The following TAFA2 variants were observed in gnomAD, a reference collection of about 807,000 sequenced individuals.
The protein encoded by TAFA2 is TAFA chemokine like family member 2.
In TAFA2, 7 loss-of-function variants were observed where a neutral mutation model predicts 18.8. That is an observed-to-expected ratio of 0.37 (90% CI 0.21 to 0.70). The LOEUF is 0.70. Among genes scored for constraint, TAFA2 ranks in the 30% least tolerant of loss-of-function variants. The pLI is 0.53. For missense variants in TAFA2, 122 were observed against 158.1 expected (o/e 0.77, Z 1.23); for synonymous variants, 60 against 54.2 (o/e 1.11, Z -0.47).
At chr12:61,935,638 G>C (rs1049978524) in intron 1 of TAFA2, among the ~76,000 whole-genome samples, 1 of 152,098 alleles carries the variant, frequency 6.6e-6, no homozygotes, top group South Asian at 2.1e-4. Context: ...TAGAAAAATA[G>C]TGAATATTTC....
chr12:62,173,051 C>T (rs1209772634), intron 1 of TAFA2, among the ~76,000 whole-genome samples: 2 of 151,698 alleles, frequency 1.3e-5, no homozygotes, highest in Admixed American at 1.3e-4. Flanking sequence ...CAAGGCATGG[C>T]CCAATGTAGG....
intron 1 of TAFA2, among the ~76,000 whole-genome samples, chr12:62,225,095 T>TA (rs35979654): frequency 0.022 from 3,339 of 151,558 alleles, 125 homozygotes; most frequent in African/African-American, 0.075. Flanking sequence ...CTCCGTCTCA[T>TA]AAAAAAATTT....
intron 1 of TAFA2, among the ~76,000 whole-genome samples, chr12:62,213,931 A>G (rs1275835988): frequency 1.3e-5 from 2 of 152,192 alleles, no homozygotes; most frequent in Non-Finnish European, 2.9e-5. Flanking sequence ...ACCTGTGTAC[A>G]AACAAACAAA....
chr12:61,890,213 A>G (rs1875568852), intron 1 of TAFA2: 1 of 152,246 alleles, frequency 6.6e-6, no homozygotes, highest in Admixed American at 6.5e-5. Flanking sequence ...AGATAAGGTC[A>G]CTTTGTGGAT....
chr12:61,925,387 T>C (rs1877244459), intron 1 of TAFA2, among the ~76,000 whole-genome samples: 1 of 152,102 alleles, frequency 6.6e-6, no homozygotes, highest in Non-Finnish European at 1.5e-5. Flanking sequence ...ACAAACAGTC[T>C]CCCAAACCAC....
chr12:61,715,495 C>A (rs1237554505), intron 4 of TAFA2, among the ~76,000 whole-genome samples: 1 of 151,854 alleles, frequency 6.6e-6, no homozygotes, highest in Non-Finnish European at 1.5e-5. Context: ...ACCACAGGCA[C>A]CCACCACCAC....
intron 1 of TAFA2, among the ~76,000 whole-genome samples, chr12:62,011,988 T>A (rs1021773411): frequency 6.6e-6 from 1 of 152,182 alleles, no homozygotes; most frequent in African/African-American, 2.4e-5. Context: ...TGAGAATAGA[T>A]CCCTAATAGT....
intron 1 of TAFA2, among the ~76,000 whole-genome samples, chr12:62,185,270 C>A (rs1414734938): frequency 1.3e-5 from 2 of 152,106 alleles, no homozygotes; most frequent in Non-Finnish European, 2.9e-5. Context: ...CAAAATGGGG[C>A]CTCTGTTTTG....
rs555734067 is a variant in TAFA2, at chr12:62,066,728, G to A, written c.-2+124531C>T. Among the ~76,000 whole-genome samples the A allele has an allele frequency of 9.8e-4, 149 of 152,002 alleles. 1 individual carries two copies. The highest frequency in any genetic ancestry group is 3.5e-3 in the African/African-American group (145 of 41,528). ...ATCCATTCATCTATTGATGAACACAGGTTGCTTTCAAATCATGGCTATGTT... is the reference window on the plus strand; with the variant it reads ...ATCCATTCATCTATTGATGAACACAAGTTGCTTTCAAATCATGGCTATGTT... On this transcript the variant is annotated intron_variant, in intron 1 of 4. Transcript: ENST00000416284.
At chr12:62,045,054 C>A (rs564857058) in intron 1 of TAFA2, among the ~76,000 whole-genome samples, 54 of 152,274 alleles carry the variant, frequency 3.5e-4, no homozygotes, top group African/African-American at 1.3e-3. Flanking sequence ...TTAGATATAG[C>A]AATAGCTTTC....
chr12:61,938,082 C>T (rs1018074455), intron 1 of TAFA2, among the ~76,000 whole-genome samples: 3 of 151,942 alleles, frequency 2.0e-5, no homozygotes, highest in African/African-American at 7.2e-5. Flanking sequence ...CAGGGAAATA[C>T]AAATTAAAAC....
chr12:61,987,045 G>T (rs992206982), intron 1 of TAFA2, among the ~76,000 whole-genome samples: 2 of 152,110 alleles, frequency 1.3e-5, no homozygotes, highest in Non-Finnish European at 2.9e-5. Context: ...ATCTTATGTA[G>T]TTGATTCGCT....
chr12:61,889,224 A>C (rs559404924), intron 1 of TAFA2, among the ~76,000 whole-genome samples: 2 of 152,358 alleles, frequency 1.3e-5, no homozygotes, highest in South Asian at 2.1e-4. Flanking sequence ...TAAGGAACCA[A>C]GTTAAAGAAT....
At chr12:61,904,463 C>G (rs999487411) in intron 1 of TAFA2, among the ~76,000 whole-genome samples, 2 of 152,202 alleles carry the variant, frequency 1.3e-5, no homozygotes, top group Non-Finnish European at 2.9e-5. Flanking sequence ...ATTCTTGGAG[C>G]AACCACTCTC....
intron 1 of TAFA2, among the ~76,000 whole-genome samples, chr12:61,978,217 T>C: frequency 6.6e-6 from 1 of 152,084 alleles, no homozygotes; most frequent in East Asian, 1.9e-4. Context: ...TAAGTCTACC[T>C]GAGTAATTTG....
intron 4 of TAFA2, among the ~76,000 whole-genome samples, chr12:61,723,012 T>C (rs1386093968): frequency 1.3e-5 from 2 of 152,208 alleles, no homozygotes; most frequent in East Asian, 1.9e-4. Context: ...CTTCCCAATG[T>C]CTCCACAAAA....
chr12:62,202,717 T>C (rs1022331920), intron 1 of TAFA2, among the ~76,000 whole-genome samples: 9 of 152,094 alleles, frequency 5.9e-5, no homozygotes, highest in Admixed American at 4.6e-4. Context: ...TGTCTCTTTG[T>C]TCTGATTGGT....
At chr12:62,222,071 A>C (rs760379085) in intron 1 of TAFA2, among the ~76,000 whole-genome samples, 11 of 152,200 alleles carry the variant, frequency 7.2e-5, no homozygotes, top group Non-Finnish European at 1.6e-4. Context: ...AAAACAAGCA[A>C]TGTTTATTTT....
intron 1 of TAFA2, among the ~76,000 whole-genome samples, chr12:61,930,507 A>T (rs1448993394): frequency 6.6e-6 from 1 of 152,194 alleles, no homozygotes; most frequent in Non-Finnish European, 1.5e-5. Flanking sequence ...ACTATTTTTC[A>T]CTTTGCTTTG....
Sources: gnomAD v4.1 joint callset for allele counts (sites outside exome capture counted in the v4.1 genomes callset) on GRCh38, gnomAD v4.1.1 for gene constraint, MANE v1.5 for transcripts, NCBI Gene and HGNC (gene_info 2026-07-23, HGNC 2026-07-21) for gene names.